TMEM17: variants seen among roughly 807,000 people sequenced by gnomAD.
TMEM17 encodes the protein transmembrane protein 17.
Under a neutral mutation model 19.1 loss-of-function variants are expected in TMEM17, and 15 were observed. The ratio of observed to expected loss-of-function variants is 0.78; its 90% CI spans 0.52 to 1.21. The LOEUF is 1.21. TMEM17 is among the 50% of genes most tolerant of loss of function. The probability of loss-of-function intolerance (pLI) is 0.00; values close to 1 mark genes in which losing one functional copy is unlikely to be tolerated. For synonymous variants in TMEM17, 103 were observed against 86.9 expected (o/e 1.19, Z -1.03); for missense variants, 245 against 242.3 (o/e 1.01, Z -0.07).
At chr2:62,505,740 C>A (rs997651124) in intron 1 of TMEM17, among the ~76,000 whole-genome samples, 3 of 152,172 alleles carry the variant, frequency 2.0e-5, no homozygotes, top group Admixed American at 2.0e-4. Context: ...TTCTCCGGGA[C>A]AATGATGGGC....
chr2:62,476,288 C>T, the TMEM17 span, among the ~76,000 whole-genome samples: 1 of 152,220 alleles, frequency 6.6e-6, no homozygotes, highest in East Asian at 1.9e-4. Flanking sequence ...TACTGTGATG[C>T]TCTGGAAGCT....
intron 1 of TMEM17, among the ~76,000 whole-genome samples, chr2:62,505,398 T>G (rs1387400050): frequency 1.3e-5 from 2 of 152,200 alleles, no homozygotes; most frequent in Non-Finnish European, 2.9e-5. Context: ...GGGTGAGTTT[T>G]GTTGAACGCC....
chr2:62,465,852 C>T, the TMEM17 span, among the ~76,000 whole-genome samples: 1 of 152,154 alleles, frequency 6.6e-6, no homozygotes, highest in African/African-American at 2.4e-5. Flanking sequence ...GTACCCAGTA[C>T]GTTTAGGTGG....
At chr2:62,502,100 C>A in intron 3 of TMEM17, 1 of 169,152 alleles carries the variant, frequency 5.9e-6, no homozygotes, top group South Asian at 1.6e-4. Flanking sequence ...ATTCAGGATC[C>A]AAATACACAT....
chr2:62,475,343 C>T, the TMEM17 span, among the ~76,000 whole-genome samples: 15 of 152,370 alleles, frequency 9.8e-5, no homozygotes, highest in African/African-American at 3.1e-4. Context: ...CCCACGCAGC[C>T]GGGCTCAGCG....
Position 62,500,435 on chromosome 2 carries a change from T to C in TMEM17, c.*774A>G, listed in dbSNP as rs1679895176. 6.6e-6 allele frequency: 1 copy of C among 152,044 alleles called. No individual in the cohort carries two copies. Among genetic ancestry groups the C allele is most frequent in the African/African-American group, 2.4e-5 (1 of 41,400 alleles). 9.4% of individuals were successfully genotyped at this position (152,044 alleles called of 1,614,324 possible). The stretch of plus-strand genomic sequence containing the variant: ...TAGCAGACATGAAAATTTGGTCTCT[T>C]GTTTTATTTTTTATTTATTTATTTT... On this transcript the variant is annotated 3_prime_UTR_variant, in exon 4 of 4. Coordinates refer to ENST00000335390, the MANE Select transcript of TMEM17 (RefSeq NM_198276.3).
chr2:62,483,304 T>C, the TMEM17 span, among the ~76,000 whole-genome samples: 11 of 152,160 alleles, frequency 7.2e-5, no homozygotes, highest in Non-Finnish European at 1.0e-4. Flanking sequence ...CTAATTCCCT[T>C]TGGAAACAAA....
At chr2:62,460,702 A>G in the TMEM17 span, among the ~76,000 whole-genome samples, 12 of 152,166 alleles carry the variant, frequency 7.9e-5, no homozygotes, top group Admixed American at 2.0e-4. Flanking sequence ...CATTATTTTT[A>G]TAAATAGTGA....
At chr2:62,489,555 T>G in the TMEM17 span, among the ~76,000 whole-genome samples, 1 of 152,228 alleles carries the variant, frequency 6.6e-6, no homozygotes, top group East Asian at 1.9e-4. Context: ...TCAATCCATA[T>G]GCTTATTTGG....
the TMEM17 span, among the ~76,000 whole-genome samples, chr2:62,467,133 C>T: frequency 6.6e-6 from 1 of 152,060 alleles, no homozygotes; most frequent in Non-Finnish European, 1.5e-5. Flanking sequence ...CTCTTACCCC[C>T]AATTTACGTA....
At chr2:62,504,274 T>G (rs1266397639) in intron 1 of TMEM17, among the ~76,000 whole-genome samples, 3 of 152,230 alleles carry the variant, frequency 2.0e-5, no homozygotes, top group Admixed American at 2.0e-4. Flanking sequence ...TAAAATCTGT[T>G]AAATCTGAAG....
At chr2:62,455,601 T>C in the TMEM17 span, among the ~76,000 whole-genome samples, 2 of 152,158 alleles carry the variant, frequency 1.3e-5, no homozygotes, top group African/African-American at 2.4e-5. Flanking sequence ...AACCCGTCTT[T>C]ACTAAAAATA....
the TMEM17 span, among the ~76,000 whole-genome samples, chr2:62,460,116 G>T: frequency 0.011 from 1,693 of 152,310 alleles, 35 homozygotes; most frequent in African/African-American, 0.039. Context: ...TCAGCCTGTA[G>T]ATAGTTACAT....
chr2:62,492,363 T>C, the TMEM17 span, among the ~76,000 whole-genome samples: 3 of 152,316 alleles, frequency 2.0e-5, no homozygotes, highest in African/African-American at 7.2e-5. Context: ...AATGAGATAT[T>C]GATAAAGTCC....
the TMEM17 span, among the ~76,000 whole-genome samples, chr2:62,475,516 T>C: frequency 6.6e-6 from 1 of 152,228 alleles, no homozygotes; most frequent in South Asian, 2.1e-4. Flanking sequence ...GGTTTCCCAT[T>C]TGTCACCTCC....
chr2:62,477,280 C>T, the TMEM17 span, among the ~76,000 whole-genome samples: 1 of 152,140 alleles, frequency 6.6e-6, no homozygotes, highest in Non-Finnish European at 1.5e-5. Flanking sequence ...ACCTGTAATC[C>T]CAGCTACTTG....
chr2:62,499,377 C>A (rs1679860485), downstream of TMEM17, among the ~76,000 whole-genome samples: 1 of 152,118 alleles, frequency 6.6e-6, no homozygotes. Context: ...CTTATAGAAT[C>A]ACCTACCTAG....
the TMEM17 span, among the ~76,000 whole-genome samples, chr2:62,465,364 T>C: frequency 3.3e-5 from 5 of 152,216 alleles, no homozygotes; most frequent in Non-Finnish European, 7.3e-5. Context: ...CTGGTGTTGA[T>C]AATTGTGCTA....
At chr2:62,460,230 A>G in the TMEM17 span, among the ~76,000 whole-genome samples, 6 of 152,224 alleles carry the variant, frequency 3.9e-5, no homozygotes, top group African/African-American at 1.4e-4. Context: ...ATGGGTAGGA[A>G]TGACTGCTGC....
Sources: allele counts gnomAD v4.1 joint callset (sites outside exome capture counted in the v4.1 genomes callset), GRCh38; gene constraint gnomAD v4.1.1; transcripts MANE v1.5; gene names NCBI Gene and HGNC (gene_info 2026-07-23, HGNC 2026-07-21).